Variants in DPH6 observed in about 807,000 individuals in gnomAD.
DPH6 encodes the protein diphthamine biosynthesis 6.
Under a neutral mutation model 38.2 loss-of-function variants are expected in DPH6, and 33 were observed. The observed-to-expected ratio is 0.86, with a 90% confidence interval of 0.65 to 1.15. The LOEUF is 1.15. Among genes scored for constraint, DPH6 ranks in the 50% most tolerant of loss-of-function variants. The pLI, the probability that DPH6 is intolerant of heterozygous loss-of-function variation, is 0.00. For synonymous variants in DPH6, 108 were observed against 103.0 expected (o/e 1.05, Z -0.30); for missense variants, 325 against 320.0 (o/e 1.02, Z -0.12).
At chr15:35,402,444 T>C (rs16960857) in intron 6 of DPH6, among the ~76,000 whole-genome samples, 33,938 of 152,080 alleles carry the variant, frequency 0.22, 4,016 homozygotes, top group South Asian at 0.37. Flanking sequence ...ATATCATCCA[T>C]TATCATGTAT....
the DPH6 span, among the ~76,000 whole-genome samples, chr15:35,180,714 C>T: frequency 6.6e-6 from 1 of 152,126 alleles, no homozygotes; most frequent in African/African-American, 2.4e-5. Context: ...TCTTGAACTC[C>T]TGGACTCAAG....
chr15:35,323,114 A>G (rs1327822908), intron 3 of DPH6, among the ~76,000 whole-genome samples: 1 of 152,172 alleles, frequency 6.6e-6, no homozygotes, highest in East Asian at 1.9e-4. Flanking sequence ...ATGGATTTTA[A>G]TCCTTCTCAA....
intron 6 of DPH6, among the ~76,000 whole-genome samples, chr15:35,395,775 C>T (rs754627708): frequency 1.1e-4 from 16 of 152,184 alleles, no homozygotes; most frequent in East Asian, 1.9e-4. Context: ...ACCCCCCTCA[C>T]GTTCTATACT....
At chr15:35,210,358 T>C in the DPH6 span, among the ~76,000 whole-genome samples, 1 of 152,192 alleles carries the variant, frequency 6.6e-6, no homozygotes, top group Admixed American at 6.5e-5. Context: ...GAGCAGGGAA[T>C]CAAGAAATGT....
At chr15:35,403,809 T>TATTC (rs1212727194) in intron 6 of DPH6, among the ~76,000 whole-genome samples, 6 of 151,950 alleles carry the variant, frequency 3.9e-5, no homozygotes, top group Non-Finnish European at 8.8e-5. Flanking sequence ...CTGCTCAGCT[T>TATTC]ATTCATTCAT....
intron 3 of DPH6, among the ~76,000 whole-genome samples, chr15:35,340,077 T>C (rs536393000): frequency 3.9e-5 from 6 of 152,294 alleles, no homozygotes; most frequent in African/African-American, 1.2e-4. Flanking sequence ...TGGGTGCATA[T>C]ATGTTTAGCA....
At chr15:35,348,168 T>C (rs1005131752) in intron 3 of DPH6, among the ~76,000 whole-genome samples, 2 of 152,300 alleles carry the variant, frequency 1.3e-5, no homozygotes, top group South Asian at 2.1e-4. Flanking sequence ...GTCCCATTCA[T>C]CTATGTTTAC....
chr15:35,237,886 G>C, intron 3 of DPH6: 1 of 1,450,222 alleles, frequency 6.9e-7, no homozygotes, highest in South Asian at 1.2e-5. Context: ...AGGTAGTGGA[G>C]GACGAGGAGG....
At position 35,371,943 on chromosome 15, in the gene DPH6, CAAGA is replaced by C; in HGVS notation, c.*203_*206del. 4 of 1,248,554 alleles carry C rather than the reference CAAGA, an allele frequency of 3.2e-6. No individual in the cohort carries two copies. The highest frequency in any genetic ancestry group is 4.0e-6 in the Non-Finnish European group (4 of 989,500). 77.3% of individuals were successfully genotyped at this position (1,248,554 alleles called of 1,614,324 possible). A position where few individuals can be genotyped will look rare whatever the true frequency, so the allele number is the denominator to read the frequency against. ...TTAACGAAAGAGAAAGAGTGAATTC[CAAGA>C]AAGTTGGCACTATTAATGAACATGC... is the stretch of plus-strand genomic sequence containing the variant. On this transcript the variant is annotated 3_prime_UTR_variant, in exon 9 of 9. Transcript: ENST00000256538.
chr15:35,264,897 A>C (rs2051773621), intron 3 of DPH6, among the ~76,000 whole-genome samples: 1 of 152,216 alleles, frequency 6.6e-6, no homozygotes, highest in Non-Finnish European at 1.5e-5. Flanking sequence ...TTTACTGATG[A>C]GACATTTGGC....
intron 3 of DPH6, among the ~76,000 whole-genome samples, chr15:35,512,123 A>G (rs1030337330): frequency 6.6e-6 from 1 of 152,196 alleles, no homozygotes; most frequent in Non-Finnish European, 1.5e-5. Flanking sequence ...AACCTGCAGT[A>G]ATAATTTTCA....
At chr15:35,257,310 T>A (rs2051715036) in intron 3 of DPH6, among the ~76,000 whole-genome samples, 1 of 152,250 alleles carries the variant, frequency 6.6e-6, no homozygotes, top group African/African-American at 2.4e-5. Flanking sequence ...AAAAGTCTAG[T>A]TAGAGAAATA....
chr15:35,538,762 A>T lies in DPH6; in HGVS notation c.119-295T>A, dbSNP rs1267022831. Among the ~76,000 whole-genome samples, 6 of 152,172 alleles carry T rather than the reference A, an allele frequency of 3.9e-5. No homozygotes were observed. The East Asian group carries it at 9.6e-4, about 24-fold the overall frequency. On this transcript the variant is annotated intron_variant, in intron 2 of 8. Coordinates refer to ENST00000256538, the MANE Select transcript of DPH6 (RefSeq NM_080650.4). ...AAACATTTAAAGAGAAGAGTAATGTATCCAATAAATTTTGATTAGTTTATT... is the reference window on the plus strand; with the variant it reads ...AAACATTTAAAGAGAAGAGTAATGTTTCCAATAAATTTTGATTAGTTTATT...
At chr15:35,313,226 CA>C (rs1323318906) in intron 3 of DPH6, among the ~76,000 whole-genome samples, 1 of 151,280 alleles carries the variant, frequency 6.6e-6, no homozygotes, top group Non-Finnish European at 1.5e-5. Context: ...GAGTGAGACT[CA>C]GTTTAAAAAA....
chr15:35,428,270 G>C (rs551065084), intron 5 of DPH6, among the ~76,000 whole-genome samples: 1 of 152,088 alleles, frequency 6.6e-6, no homozygotes, highest in Non-Finnish European at 1.5e-5. Context: ...TTATCCAATA[G>C]TTTGATGCCC....
chr15:35,256,476 T>C (rs1222253067), intron 3 of DPH6, among the ~76,000 whole-genome samples: 2 of 152,260 alleles, frequency 1.3e-5, no homozygotes, highest in Non-Finnish European at 2.9e-5. Flanking sequence ...ACATAAGTGA[T>C]ATATTTTTAT....
downstream of DPH6, among the ~76,000 whole-genome samples, chr15:35,213,274 A>C (rs557323493): frequency 9.8e-5 from 15 of 152,344 alleles, no homozygotes; most frequent in Admixed American, 3.9e-4. Context: ...GCATTCAACT[A>C]AATTTAGAAA....
intron 6 of DPH6, among the ~76,000 whole-genome samples, chr15:35,385,029 A>G (rs1483081991): frequency 3.9e-5 from 6 of 152,244 alleles, no homozygotes; most frequent in Non-Finnish European, 8.8e-5. Context: ...GCTCATCATC[A>G]CTGGTCATTA....
intron 5 of DPH6, among the ~76,000 whole-genome samples, chr15:35,427,307 C>T (rs181951603): frequency 1.2e-4 from 18 of 152,022 alleles, no homozygotes; most frequent in Admixed American, 3.9e-4. Flanking sequence ...AGAAATTCCA[C>T]AGCAATAAAT....
Sources: gnomAD v4.1 joint callset for allele counts (sites outside exome capture counted in the v4.1 genomes callset) on GRCh38, gnomAD v4.1.1 for gene constraint, MANE v1.5 for transcripts, NCBI Gene and HGNC (gene_info 2026-07-23, HGNC 2026-07-21) for gene names.